CDYL: variants seen among roughly 807,000 people sequenced by gnomAD.
The protein encoded by CDYL is chromodomain Y like.
In CDYL, 8 loss-of-function variants were observed where a neutral mutation model predicts 47.3. That is an observed-to-expected ratio of 0.17 (90% confidence interval 0.10 to 0.31). CDYL has a LOEUF of 0.31. Among genes scored for constraint, CDYL ranks in the 10% least tolerant of loss-of-function variants. The pLI, the probability that CDYL is intolerant of heterozygous loss-of-function variation, is 1.00. For synonymous variants in CDYL, 266 were observed against 265.0 expected (o/e 1.00, Z -0.04); for missense variants, 471 against 701.4 (o/e 0.67, Z 3.71).
chr6:4,730,369 T>C (rs1429176144), intron 2 of CDYL, among the ~76,000 whole-genome samples: 2 of 151,782 alleles, frequency 1.3e-5, no homozygotes, highest in African/African-American at 4.8e-5. Context: ...AGAAGCAGAG[T>C]GAAGAGTCAA....
exon 2 of CDYL, chr6:4,715,775 T>C: frequency 1.2e-6 from 2 of 1,613,966 alleles, no homozygotes; most frequent in African/African-American, 1.3e-5. Flanking sequence ...CCCGGAAGAA[T>C]TTTATGACAT....
intron 6 of CDYL, 67 bp from the exon 7 acceptor site, chr6:4,953,831 G>C (rs1434855819): frequency 6.9e-7 from 1 of 1,453,098 alleles, no homozygotes; most frequent in Non-Finnish European, 9.4e-7. Context: ...CCGTAAATGT[G>C]GAGGCACAGG....
At chr6:4,813,253 CCGT>C (rs1306381899) in intron 1 of CDYL, among the ~76,000 whole-genome samples, 1 of 152,194 alleles carries the variant, frequency 6.6e-6, no homozygotes, top group Non-Finnish European at 1.5e-5. Context: ...GAGAACACTG[CCGT>C]CGTCATCTTC....
chr6:4,943,770 T>TAAAAAAA lies in CDYL; in HGVS notation c.1332+25_1332+31dup. ...GGAGGAGCATCTGTGAGTACCTTTT[T>TAAAAAAA]AAAAAAAAAAAAAAAAAGTCATTCT... On this transcript the variant is annotated intron_variant, in intron 5 of 6. Coordinates refer to ENST00000397588, the MANE Select transcript of CDYL (RefSeq NM_004824.4). 6 of 1,172,858 alleles carry TAAAAAAA rather than the reference T, an allele frequency of 5.1e-6. No homozygotes were observed. Among genetic ancestry groups the TAAAAAAA allele is most frequent in the Non-Finnish European group, 5.9e-6 (5 of 843,306 alleles). 72.7% of individuals were successfully genotyped at this position (1,172,858 alleles called of 1,614,324 possible). A position where few individuals can be genotyped will look rare whatever the true frequency, so the allele number is the denominator to read the frequency against.
intron 1 of CDYL, among the ~76,000 whole-genome samples, chr6:4,886,590 G>GTT (rs888534506): frequency 1.3e-5 from 2 of 151,800 alleles, no homozygotes; most frequent in African/African-American, 4.8e-5. Context: ...TTATTGAACT[G>GTT]TAAGACTTTA....
At chr6:4,745,415 T>C (rs1357178971) in intron 3 of CDYL, among the ~76,000 whole-genome samples, 1 of 151,894 alleles carries the variant, frequency 6.6e-6, no homozygotes, top group Admixed American at 6.6e-5. Flanking sequence ...GAAAACCCCC[T>C]CTTTCCCTCC....
Position 4,740,462 on chromosome 6 carries a change from C to T in CDYL, c.186+5618C>T, listed in dbSNP as rs189239065. 2.1e-4 allele frequency among the ~76,000 whole-genome samples: 32 copies of T among 152,224 alleles called. No individual in the cohort carries two copies. The East Asian group carries it at 4.6e-3, about 22-fold the overall frequency. ...CATCCTGAGATTCTCAGGACAGCCC[C>T]CACCACAAAGAACCATCTGGTCCAA... On this transcript the variant is annotated intron_variant, in intron 3 of 8. Coordinates refer to the CDYL transcript ENST00000328908.
At chr6:4,860,795 C>T (rs964385628) in intron 1 of CDYL, among the ~76,000 whole-genome samples, 5 of 151,996 alleles carry the variant, frequency 3.3e-5, no homozygotes, top group Non-Finnish European at 5.9e-5. Flanking sequence ...GGGCAGGAAA[C>T]ATCCAGCATG....
At chr6:4,863,227 G>A (rs979125382) in intron 1 of CDYL, among the ~76,000 whole-genome samples, 7 of 152,100 alleles carry the variant, frequency 4.6e-5, no homozygotes, top group African/African-American at 1.7e-4. Context: ...GGGATCAAAG[G>A]TTGAAAAAAC....
chr6:4,917,009 T>C (rs1445819377), intron 2 of CDYL, among the ~76,000 whole-genome samples: 1 of 152,184 alleles, frequency 6.6e-6, no homozygotes, highest in Non-Finnish European at 1.5e-5. Flanking sequence ...AGATTTTTCT[T>C]TAGGAAGGAA....
intron 1 of CDYL, among the ~76,000 whole-genome samples, chr6:4,866,566 G>A (rs1761328972): frequency 6.6e-6 from 1 of 152,050 alleles, no homozygotes; most frequent in Non-Finnish European, 1.5e-5. Flanking sequence ...ACAATGCCAA[G>A]TCCTTGAATA....
intron 1 of CDYL, among the ~76,000 whole-genome samples, chr6:4,782,243 C>T (rs1297007361): frequency 6.6e-6 from 1 of 152,128 alleles, no homozygotes; most frequent in Non-Finnish European, 1.5e-5. Flanking sequence ...TCTTTATTGC[C>T]TGGCATGTTT....
chr6:4,954,104 A>G lies in CDYL; in HGVS notation c.*48A>G. Reference sequence around the variant, plus strand: ...CACCGGGATCGGGCTGAGCAGGAGAACATCACCGGCTCCAGTTCCCCTGAT... The same window carrying G: ...CACCGGGATCGGGCTGAGCAGGAGAGCATCACCGGCTCCAGTTCCCCTGAT... On this transcript the variant is annotated 3_prime_UTR_variant, in exon 7 of 7. Transcript: ENST00000397588. 6.4e-7 allele frequency: 1 copy of G among 1,569,594 alleles called. No individual in the cohort carries two copies. Among genetic ancestry groups the G allele is most frequent in the Non-Finnish European group, 8.7e-7 (1 of 1,151,852 alleles).
intron 1 of CDYL, among the ~76,000 whole-genome samples, chr6:4,859,161 A>C (rs1268560056): frequency 1.3e-5 from 2 of 152,108 alleles, no homozygotes; most frequent in Non-Finnish European, 2.9e-5. Context: ...GCTTTCCTTC[A>C]TGCTCTCTAT....
At chr6:4,744,222 G>A (rs769905982) in intron 3 of CDYL, among the ~76,000 whole-genome samples, 3 of 152,178 alleles carry the variant, frequency 2.0e-5, no homozygotes, top group Admixed American at 6.5e-5. Flanking sequence ...GCTCAGGCGC[G>A]AAGTCTCACA....
chr6:4,765,167 A>G (rs1004095534), intron 3 of CDYL, among the ~76,000 whole-genome samples: 2 of 152,128 alleles, frequency 1.3e-5, no homozygotes, highest in African/African-American at 2.4e-5. Flanking sequence ...ACTAAAGTAC[A>G]GAAAATCAGC....
At chr6:4,730,661 C>T (rs1055502742) in intron 2 of CDYL, among the ~76,000 whole-genome samples, 8 of 115,182 alleles carry the variant, frequency 6.9e-5, no homozygotes, top group Non-Finnish European at 1.0e-4. Context: ...GCAACAAGAG[C>T]GAAATTCCAT....
chr6:4,919,538 C>T (rs543346093), intron 2 of CDYL, among the ~76,000 whole-genome samples: 7 of 152,196 alleles, frequency 4.6e-5, no homozygotes, highest in African/African-American at 1.4e-4. Context: ...TGAGCATTTC[C>T]GTTGAGTGTT....
At chr6:4,749,710 C>T (rs930647515) in intron 3 of CDYL, among the ~76,000 whole-genome samples, 14 of 152,142 alleles carry the variant, frequency 9.2e-5, no homozygotes, top group African/African-American at 3.1e-4. Context: ...ATAATCTCAT[C>T]GGAAACCTAA....
Sources: gnomAD v4.1 joint callset for allele counts (sites outside exome capture counted in the v4.1 genomes callset) on GRCh38, gnomAD v4.1.1 for gene constraint, MANE v1.5 for transcripts, NCBI Gene and HGNC (gene_info 2026-07-23, HGNC 2026-07-21) for gene names.